Variants in FAR2 observed in about 807,000 individuals in gnomAD.
The protein encoded by FAR2 is fatty acyl-CoA reductase 2, also known as epididymis secretory protein Li 81.
In FAR2, 19 loss-of-function variants were observed where a neutral mutation model predicts 56.0. The observed-to-expected ratio is 0.34, with a 90% CI of 0.24 to 0.50. The LOEUF (loss-of-function observed/expected upper bound fraction) is 0.50. Ranked by LOEUF, FAR2 falls within the 20% of genes least tolerant of loss-of-function variation. FAR2 has a pLI of 0.98. For missense variants in FAR2, 508 were observed against 642.2 expected (o/e 0.79, Z 2.26); for synonymous variants, 219 against 218.8 (o/e 1.00, Z -0.01).
intron 1 of FAR2, chr12:29,156,891 T>G (rs1398927717): frequency 6.6e-6 from 1 of 151,784 alleles, no homozygotes; most frequent in African/African-American, 2.4e-5. Flanking sequence ...CGAGACCTGG[T>G]GCTTGGCTCT....
At chr12:29,328,445 CAT>C (rs1447559820) in intron 10 of FAR2, among the ~76,000 whole-genome samples, 4 of 152,028 alleles carry the variant, frequency 2.6e-5, no homozygotes, top group African/African-American at 9.7e-5. Context: ...GCTATAAAGA[CAT>C]ATGTTTATTG....
intron 1 of FAR2, among the ~76,000 whole-genome samples, chr12:29,214,944 G>A (rs1215231476): frequency 6.6e-6 from 1 of 152,120 alleles, no homozygotes; most frequent in Non-Finnish European, 1.5e-5. Context: ...GGTGAGAAAG[G>A]CATTCTTGAG....
chr12:29,288,469 A>G (rs1177968479), intron 2 of FAR2, among the ~76,000 whole-genome samples: 1 of 152,002 alleles, frequency 6.6e-6, no homozygotes. Flanking sequence ...TTTTTTCTTT[A>G]CTCATTTTGA....
At chr12:29,290,056 T>G (rs1167485327) in intron 2 of FAR2, among the ~76,000 whole-genome samples, 1 of 152,192 alleles carries the variant, frequency 6.6e-6, no homozygotes, top group Non-Finnish European at 1.5e-5. Flanking sequence ...TTGTCAATGA[T>G]GTGGAGCAAA....
chr12:29,167,380 T>C (rs1193007711), intron 1 of FAR2, among the ~76,000 whole-genome samples: 2 of 152,176 alleles, frequency 1.3e-5, no homozygotes, highest in African/African-American at 4.8e-5. Context: ...CTCTTTTCCT[T>C]CTTTTTAGAG....
At chr12:29,280,304 C>G (rs1295209054) in intron 2 of FAR2, 2 of 152,182 alleles carry the variant, frequency 1.3e-5, no homozygotes, top group Admixed American at 6.5e-5. Context: ...AGGCAAGACC[C>G]TCTAGATTGC....
At chr12:29,152,214 G>T (rs1949686839) in intron 1 of FAR2, among the ~76,000 whole-genome samples, 1 of 152,168 alleles carries the variant, frequency 6.6e-6, no homozygotes, top group Admixed American at 6.5e-5. Context: ...ATGAGCCAAT[G>T]ACTGAAATTT....
intron 2 of FAR2, among the ~76,000 whole-genome samples, chr12:29,271,372 G>A (rs924751322): frequency 1.2e-4 from 19 of 152,082 alleles, no homozygotes; most frequent in African/African-American, 4.3e-4. Flanking sequence ...TTAACCTTCA[G>A]ATTTTAGATT....
intron 9 of FAR2, among the ~76,000 whole-genome samples, chr12:29,318,598 T>C (rs768030537): frequency 5.3e-5 from 8 of 152,246 alleles, no homozygotes; most frequent in Non-Finnish European, 1.0e-4. Flanking sequence ...CTAGACCCTT[T>C]CCTGCTCCAG....
intron 1 of FAR2, among the ~76,000 whole-genome samples, chr12:29,254,713 A>G (rs1243522687): frequency 6.6e-6 from 1 of 152,162 alleles, no homozygotes; most frequent in Non-Finnish European, 1.5e-5. Context: ...GCACTTTGGG[A>G]GGCCGAGGCA....
chr12:29,185,870 G>A (rs980096768), intron 1 of FAR2, among the ~76,000 whole-genome samples: 4 of 151,958 alleles, frequency 2.6e-5, no homozygotes, highest in African/African-American at 9.7e-5. Flanking sequence ...CCCATCCTAC[G>A]CGCCAACCTC....
intron 1 of FAR2, among the ~76,000 whole-genome samples, chr12:29,260,079 T>A (rs1948390244): frequency 6.6e-6 from 1 of 152,212 alleles, no homozygotes; most frequent in African/African-American, 2.4e-5. Context: ...TAAAAAATAA[T>A]TAATGTAATT....
intron 1 of FAR2, among the ~76,000 whole-genome samples, chr12:29,193,985 G>T (rs1463522089): frequency 6.6e-6 from 1 of 152,120 alleles, no homozygotes; most frequent in East Asian, 1.9e-4. Context: ...GCACAATATA[G>T]TATTTCAATA....
intron 1 of FAR2, among the ~76,000 whole-genome samples, chr12:29,170,125 T>C (rs549020002): frequency 6.6e-6 from 1 of 152,356 alleles, no homozygotes; most frequent in African/African-American, 2.4e-5. Context: ...ACTTTAAGGT[T>C]TGGCTGAGTG....
chr12:29,239,220 A>C (rs1379795884), intron 1 of FAR2, among the ~76,000 whole-genome samples: 7 of 152,162 alleles, frequency 4.6e-5, no homozygotes, highest in Non-Finnish European at 1.0e-4. Flanking sequence ...GGAGTGAGTC[A>C]CTAGGGTTCA....
intron 1 of FAR2, among the ~76,000 whole-genome samples, chr12:29,247,362 T>C (rs1021902817): frequency 2.0e-5 from 3 of 152,196 alleles, no homozygotes; most frequent in Non-Finnish European, 4.4e-5. Context: ...ACAAATTCTC[T>C]TAATCCACAT....
At chr12:29,277,599 A>G (rs1262209942) in intron 2 of FAR2, 2 of 152,232 alleles carry the variant, frequency 1.3e-5, no homozygotes, top group Non-Finnish European at 2.9e-5. Flanking sequence ...GACAAAGAAC[A>G]CGGCAATTTG....
intron 1 of FAR2, among the ~76,000 whole-genome samples, chr12:29,267,556 T>C (rs1948538934): frequency 6.6e-6 from 1 of 152,190 alleles, no homozygotes; most frequent in African/African-American, 2.4e-5. Flanking sequence ...CCCTCCTAAC[T>C]TGGGGACACT....
chr12:29,157,157 A>G (rs1268854221), intron 1 of FAR2, among the ~76,000 whole-genome samples: 1 of 115,630 alleles, frequency 8.6e-6, no homozygotes, highest in Non-Finnish European at 1.8e-5. Context: ...TATCAATGTG[A>G]TTAAACAATG....
Sources: allele counts gnomAD v4.1 joint callset (sites outside exome capture counted in the v4.1 genomes callset), GRCh38; gene constraint gnomAD v4.1.1; transcripts MANE v1.5; gene names NCBI Gene and HGNC (gene_info 2026-07-23, HGNC 2026-07-21).